MTUS2: variants seen among roughly 807,000 people sequenced by gnomAD.
The protein encoded by MTUS2 is microtubule associated scaffold protein 2, also known as microtubule-associated tumor suppressor candidate 2.
A neutral mutation model predicts 114.1 loss-of-function variants in MTUS2; 40 were observed. The ratio of observed to expected loss-of-function variants is 0.35; its 90% confidence interval spans 0.27 to 0.46. MTUS2 has a LOEUF of 0.46. Ranked by LOEUF, MTUS2 falls within the 20% of genes least tolerant of loss-of-function variation. The probability of loss-of-function intolerance (pLI) is 1.00; values close to 1 mark genes in which losing one functional copy is unlikely to be tolerated. For synonymous variants in MTUS2, 688 were observed against 672.0 expected (o/e 1.02, Z -0.37); for missense variants, 1,679 against 1,705.4 (o/e 0.98, Z 0.27).
chr13:29,503,164 G>C lies in MTUS2; in HGVS notation c.4068G>C (p.Ser1356=). ...PTSPVYRGSS[S]GPSSPARVST... The stretch of plus-strand genomic sequence containing the variant: ...CTCCCGTTTACCGCGGCTCCTCCTC[G>C]GGGCCCTCCTCTCCGGCCAGAGTCA... Residue 1356 remains serine (S), a synonymous_variant, in exon 16 of 16, where the codon TCG becomes TCC. Coordinates refer to ENST00000612955, the MANE Select transcript of MTUS2 (RefSeq NM_001033602.4). The C allele has an allele frequency of 6.2e-7, 1 of 1,614,116 alleles. No homozygotes were observed. Among genetic ancestry groups the C allele is most frequent in the South Asian group, 1.1e-5 (1 of 91,070 alleles).
At chr13:29,005,269 T>C in intron 2 of MTUS2, among the ~76,000 whole-genome samples, 1 of 152,132 alleles carries the variant, frequency 6.6e-6, no homozygotes, top group East Asian at 1.9e-4. Context: ...CAGGTTTCTG[T>C]GGGCCAGAGA....
intron 5 of MTUS2, among the ~76,000 whole-genome samples, chr13:29,270,465 G>A (rs144271659): frequency 2.2e-3 from 336 of 152,260 alleles, no homozygotes; most frequent in Non-Finnish European, 3.1e-3. Flanking sequence ...GTTTAGTGCC[G>A]GCAAATCCCT....
chr13:28,887,781 T>TG (rs1380775093), intron 2 of MTUS2, among the ~76,000 whole-genome samples: 4 of 152,166 alleles, frequency 2.6e-5, no homozygotes, highest in African/African-American at 9.7e-5. Context: ...TGCCACTCCC[T>TG]GGGGCTATCA....
At chr13:29,011,167 G>A (rs1486352506) in intron 2 of MTUS2, among the ~76,000 whole-genome samples, 3 of 152,188 alleles carry the variant, frequency 2.0e-5, no homozygotes, top group African/African-American at 4.8e-5. Flanking sequence ...TAAAATGGAT[G>A]TGTTTGGGTA....
intron 4 of MTUS2, among the ~76,000 whole-genome samples, chr13:29,058,577 T>A (rs1318639870): frequency 7.6e-6 from 1 of 131,032 alleles, no homozygotes; most frequent in African/African-American, 2.8e-5. Context: ...TTTTTTTTTT[T>A]TTTTAATTAT....
intron 4 of MTUS2, among the ~76,000 whole-genome samples, chr13:29,042,817 C>T (rs1289919726): frequency 6.6e-6 from 1 of 152,028 alleles, no homozygotes; most frequent in Non-Finnish European, 1.5e-5. Context: ...ATAATATCCC[C>T]TGTTTTGTTT....
At chr13:29,101,019 C>T (rs374856692) in intron 5 of MTUS2, 49 bp downstream of exon 5, 60 of 1,474,052 alleles carry the variant, frequency 4.1e-5, no homozygotes, top group Middle Eastern at 2.2e-4. Flanking sequence ...TTAAAACCGG[C>T]GCGCCTGTGT....
chr13:29,421,686 A>G (rs1307617872), intron 8 of MTUS2, among the ~76,000 whole-genome samples: 1 of 152,224 alleles, frequency 6.6e-6, no homozygotes, highest in African/African-American at 2.4e-5. Flanking sequence ...AAGATAGACA[A>G]TTATTATGAT....
rs1331055288 is a variant in MTUS2, at chr13:29,025,257, G to A, written c.559G>A (p.Val187Ile). ...LERASSSVAA[V>I]GSLTPQHPQP... ...AAGAGCAAGCAGCTCTGTAGCTGCA[G>A]TCGGGAGCCTGACTCCGCAGCATCC... The change falls in exon 3 of 16, where the codon GTC (valine) becomes ATC (isoleucine). Residue 187 changes from valine to isoleucine, a missense_variant. Transcript: ENST00000612955. 1.9e-5 allele frequency: 31 copies of A among 1,613,878 alleles called. No individual in the cohort carries two copies. Among genetic ancestry groups the A allele is most frequent in the South Asian group, 3.3e-5 (3 of 91,080 alleles).
At chr13:29,259,503 G>A (rs1254129478) in intron 5 of MTUS2, among the ~76,000 whole-genome samples, 8 of 152,140 alleles carry the variant, frequency 5.3e-5, no homozygotes, top group African/African-American at 9.7e-5. Flanking sequence ...CTCAGGAAAG[G>A]GATAAAGTTA....
chr13:29,462,215 G>A (rs4390442), intron 9 of MTUS2, among the ~76,000 whole-genome samples: 63,350 of 151,996 alleles, frequency 0.42, 13,662 homozygotes, highest in Non-Finnish European at 0.46. Flanking sequence ...TGAGAACCAC[G>A]GGCTTAAAAG....
At chr13:29,353,737 C>T (rs906781854) in intron 7 of MTUS2, among the ~76,000 whole-genome samples, 4 of 152,230 alleles carry the variant, frequency 2.6e-5, no homozygotes, top group Admixed American at 2.6e-4. Context: ...TTCTACACTA[C>T]TGAGCAAAAC....
At chr13:29,160,727 G>A (rs1027296748) in intron 5 of MTUS2, among the ~76,000 whole-genome samples, 6 of 151,452 alleles carry the variant, frequency 4.0e-5, no homozygotes, top group Non-Finnish European at 5.9e-5. Flanking sequence ...CTGAGACTGG[G>A]CCACTGTACT....
chr13:29,222,800 C>T (rs898727797), intron 5 of MTUS2, among the ~76,000 whole-genome samples: 5 of 152,256 alleles, frequency 3.3e-5, no homozygotes, highest in African/African-American at 1.2e-4. Flanking sequence ...CTGTCACTGC[C>T]TGACCTCTCC....
intron 2 of MTUS2, among the ~76,000 whole-genome samples, chr13:28,947,274 G>A (rs1032004519): frequency 1.3e-5 from 2 of 152,066 alleles, no homozygotes; most frequent in Non-Finnish European, 2.9e-5. Context: ...GCTTTCAAAG[G>A]TCTGGTGCTT....
chr13:29,399,863 A>G (rs1413162097), intron 8 of MTUS2, among the ~76,000 whole-genome samples: 2 of 152,262 alleles, frequency 1.3e-5, no homozygotes, highest in African/African-American at 2.4e-5. Context: ...CATAAGTAGC[A>G]TGAATACTCG....
At chr13:29,364,511 C>T (rs1158523333) in intron 8 of MTUS2, among the ~76,000 whole-genome samples, 1 of 152,188 alleles carries the variant, frequency 6.6e-6, no homozygotes, top group Non-Finnish European at 1.5e-5. Context: ...CCCAGCTCAC[C>T]TTGAGTGCTC....
intron 8 of MTUS2, among the ~76,000 whole-genome samples, chr13:29,384,542 A>T (rs1481159095): frequency 6.6e-6 from 1 of 152,172 alleles, no homozygotes; most frequent in African/African-American, 2.4e-5. Flanking sequence ...TCCTTTAGCA[A>T]AGTCTGGGTC....
At chr13:28,931,042 C>T (rs1425417363) in intron 2 of MTUS2, among the ~76,000 whole-genome samples, 2 of 152,262 alleles carry the variant, frequency 1.3e-5, no homozygotes, top group South Asian at 2.1e-4. Context: ...TGGACAGGTT[C>T]CTTGTTACAG....
Sources: allele counts gnomAD v4.1 joint callset (sites outside exome capture counted in the v4.1 genomes callset), GRCh38; gene constraint gnomAD v4.1.1; transcripts MANE v1.5; gene names NCBI Gene and HGNC (gene_info 2026-07-23, HGNC 2026-07-21).